ACACA: variants seen among roughly 807,000 people sequenced by gnomAD.
ACACA encodes the protein acetyl-CoA carboxylase alpha.
Under a neutral mutation model 296.1 loss-of-function variants are expected in ACACA, and 103 were observed. That is an observed-to-expected ratio of 0.35 (90% CI 0.30 to 0.41). ACACA has a LOEUF of 0.41. Among genes scored for constraint, ACACA ranks in the 10% least tolerant of loss-of-function variants. The pLI is 1.00. For missense variants in ACACA, 1,554 were observed against 2,989.7 expected (o/e 0.52, Z 11.20); for synonymous variants, 953 against 1,038.6 (o/e 0.92, Z 1.58).
chr17:37,102,353 C>T (rs534548852), intron 52 of ACACA, among the ~76,000 whole-genome samples: 2 of 151,832 alleles, frequency 1.3e-5, no homozygotes, highest in Non-Finnish European at 2.9e-5. Context: ...TACAGGTGCC[C>T]GTCACCAAGC....
chr17:37,213,056 G>A (rs2078822440), intron 29 of ACACA, among the ~76,000 whole-genome samples: 2 of 151,992 alleles, frequency 1.3e-5, no homozygotes, highest in South Asian at 4.1e-4. Flanking sequence ...AGTGGCTCAT[G>A]CCTATAATTC....
chr17:37,381,686 G>A lies in ACACA; in HGVS notation c.38+24576C>T, dbSNP rs1334380748. On this transcript the variant is annotated intron_variant, in intron 1 of 55. Transcript: ENST00000616317. ...TCCGTTGCCCAGGCTGGAGTGCAGT[G>A]GTGCGATCTCAGCTCACTGCAAGCT... Among the ~76,000 whole-genome samples, 4 of 143,604 alleles carry A rather than the reference G, an allele frequency of 2.8e-5. No homozygotes were observed. The Admixed American group carries it at 2.9e-4, about 10-fold the overall frequency. 94.2% of individuals were successfully genotyped at this position (143,604 alleles called of 152,430 possible). A position where few individuals can be genotyped will look rare whatever the true frequency, so the allele number is the denominator to read the frequency against.
chr17:37,262,314 G>A (rs935762018), intron 11 of ACACA, among the ~76,000 whole-genome samples: 3 of 152,184 alleles, frequency 2.0e-5, no homozygotes, highest in Non-Finnish European at 2.9e-5. Flanking sequence ...GTGAGCAGAA[G>A]TGATGTATGT....
intron 41 of ACACA, among the ~76,000 whole-genome samples, chr17:37,173,982 T>TTATTTATATATATATA (rs1555573869): frequency 2.1e-4 from 4 of 19,440 alleles, no homozygotes; most frequent in Middle Eastern, 0.038. Context: ...CCTGGCTAAT[T>TTATTTATATATATATA]TATATATATA....
rs759532180 is a variant in ACACA at position 37,179,411 on chromosome 17, T to C, written c.4933-5A>G. ...CTCCCAGAGTTTGATCAGGGACTAGTGGAGAAAAGAAGTTTGACTAATCAG... is the reference window on the plus strand; with the variant it reads ...CTCCCAGAGTTTGATCAGGGACTAGCGGAGAAAAGAAGTTTGACTAATCAG... On this transcript the variant is annotated splice_region_variant and splice_polypyrimidine_tract_variant and intron_variant, in intron 40 of 55. Transcript: ENST00000616317. 3.7e-6 allele frequency: 6 copies of C among 1,613,938 alleles called. No homozygotes were observed. The East Asian group carries it at 1.3e-4, about 36-fold the overall frequency.
In ACACA at chr17:37,390,330, A is replaced by ATCTATATATC. The variant is rs1555672372; in HGVS notation, c.38+15931_38+15932insGATATATAGA. On this transcript the variant is annotated intron_variant, in intron 1 of 55. Transcript: ENST00000616317. Reference sequence around the variant, plus strand: ...TATATATATATATATATATATATATATATAAAAGGCCAGCTGGGCCGGGCA... The same window carrying ATCTATATATC: ...TATATATATATATATATATATATATATCTATATATCTATAAAAGGCCAGCTGGGCCGGGCA... 5.5e-4 allele frequency among the ~76,000 whole-genome samples: 23 copies of ATCTATATATC among 41,582 alleles called. 5 individuals carry two copies. The East Asian group carries it at 9.8e-3, about 18-fold the overall frequency. The allele number at this position is 41,582 out of a possible 152,430, so 27.3% of individuals were successfully genotyped here. A position where few individuals can be genotyped will look rare whatever the true frequency, so the allele number is the denominator to read the frequency against.
At chr17:37,334,655 T>C (rs2048030443) in intron 2 of ACACA, among the ~76,000 whole-genome samples, 1 of 152,104 alleles carries the variant, frequency 6.6e-6, no homozygotes, top group African/African-American at 2.4e-5. Flanking sequence ...GTAACTAAAA[T>C]CGTAAATCCC....
intron 20 of ACACA, 30 bp downstream of exon 20, chr17:37,245,050 G>A (rs1223041373): frequency 6.8e-6 from 11 of 1,614,106 alleles, no homozygotes; most frequent in Non-Finnish European, 9.3e-6. Flanking sequence ...AGCTCTTAGA[G>A]AGCAATATTC....
chr17:37,333,800 A>C (rs907265430), intron 2 of ACACA, among the ~76,000 whole-genome samples: 1 of 145,148 alleles, frequency 6.9e-6, no homozygotes, highest in African/African-American at 2.6e-5. Context: ...CCACTACCCA[A>C]GAGAAGACTG....
At chr17:37,405,866 T>C (rs1031831319) in intron 1 of ACACA, among the ~76,000 whole-genome samples, 2 of 150,762 alleles carry the variant, frequency 1.3e-5, no homozygotes, top group African/African-American at 4.9e-5. Flanking sequence ...TTTTTTTTTT[T>C]TTTTTTTTTG....
chr17:37,330,955 T>C (rs760303244), intron 2 of ACACA, among the ~76,000 whole-genome samples: 4 of 152,070 alleles, frequency 2.6e-5, no homozygotes, highest in African/African-American at 4.8e-5. Flanking sequence ...CTGTCACCCA[T>C]ACAGCATGCA....
intron 10 of ACACA, among the ~76,000 whole-genome samples, chr17:37,270,469 C>T (rs772176715): frequency 1.2e-4 from 18 of 152,112 alleles, no homozygotes; most frequent in Non-Finnish European, 2.5e-4. Flanking sequence ...CCATACGCAC[C>T]AGGTAGGAAA....
chr17:37,268,743 A>ATATATAGATATATATATATATATATC (rs2081925106), intron 10 of ACACA, among the ~76,000 whole-genome samples: 6 of 102,070 alleles, frequency 5.9e-5, no homozygotes, highest in Non-Finnish European at 1.3e-4. Context: ...CTATCTATCT[A>ATATATAGATATATATATATATATATC]TATATATATA....
At chr17:37,385,131 T>C (rs11263747) in intron 1 of ACACA, among the ~76,000 whole-genome samples, 35,766 of 151,908 alleles carry the variant, frequency 0.24, 4,462 homozygotes, top group Middle Eastern at 0.37. Flanking sequence ...CCTTCTACCC[T>C]TGCCCACCCC....
At chr17:37,167,592 A>G (rs1049388811) in intron 41 of ACACA, among the ~76,000 whole-genome samples, 1 of 151,768 alleles carries the variant, frequency 6.6e-6, no homozygotes, top group Non-Finnish European at 1.5e-5. Flanking sequence ...GTGCTGGGAT[A>G]GCAGGCACGA....
intron 1 of ACACA, among the ~76,000 whole-genome samples, chr17:37,344,400 A>G (rs937095100): frequency 2.0e-5 from 3 of 151,846 alleles, no homozygotes; most frequent in Non-Finnish European, 4.4e-5. Flanking sequence ...TCTACTAAAA[A>G]CACAAAAATT....
intron 1 of ACACA, chr17:37,386,270 A>C (rs1414409603): frequency 2.5e-5 from 15 of 599,044 alleles, no homozygotes; most frequent in Non-Finnish European, 5.7e-6. Context: ...GTACATTGAA[A>C]AATCATTCAA....
chr17:37,257,869 G>A lies in ACACA; in HGVS notation c.1663-3C>T. On this transcript the variant is annotated splice_polypyrimidine_tract_variant and splice_region_variant and intron_variant, in intron 13 of 55. Transcript: ENST00000616317. ...GTTCCTGAGCTGGGCTTAAAACCCT[G>A]TTAGAGAATAAAGAATGAGAGACCA... 6.2e-7 allele frequency: 1 copy of A among 1,613,892 alleles called. No homozygotes were observed. Among genetic ancestry groups the A allele is most frequent in the South Asian group, 1.1e-5 (1 of 91,066 alleles).
intron 29 of ACACA, among the ~76,000 whole-genome samples, chr17:37,221,145 TAA>T (rs1173140030): frequency 6.6e-6 from 1 of 152,202 alleles, no homozygotes; most frequent in African/African-American, 2.4e-5. Context: ...TTTTATTTTT[TAA>T]AAGACAGGAA....
Sources: allele counts gnomAD v4.1 joint callset (sites outside exome capture counted in the v4.1 genomes callset), GRCh38; gene constraint gnomAD v4.1.1; transcripts MANE v1.5; gene names NCBI Gene and HGNC (gene_info 2026-07-23, HGNC 2026-07-21).